BCL9: variants seen among roughly 807,000 people sequenced by gnomAD.
BCL9 encodes B-cell CLL/lymphoma 9 protein.
A neutral mutation model predicts 88.5 loss-of-function variants in BCL9; 25 were observed. The observed-to-expected ratio is 0.28, with a 90% CI of 0.21 to 0.39. The LOEUF (loss-of-function observed/expected upper bound fraction) is 0.39. BCL9 is among the 10% of genes least tolerant of loss of function. BCL9 has a pLI of 1.00. For missense variants in BCL9, 1,817 were observed against 1,877.8 expected, an observed-to-expected ratio of 0.97 and a Z score of 0.60; for synonymous variants, 711 against 673.3, an observed-to-expected ratio of 1.06 and a Z score of -0.87.
intron 6 of BCL9, 133 bp from the exon 7 acceptor site, chr1:147,615,670 T>C (rs1378536033): frequency 6.8e-6 from 4 of 584,566 alleles, no homozygotes; most frequent in Non-Finnish European, 1.2e-5. Context: ...TGATTTCTTC[T>C]TCAACATTTC....
At chr1:147,579,402 A>G (rs1656261688) in intron 1 of BCL9, among the ~76,000 whole-genome samples, 1 of 152,322 alleles carries the variant, frequency 6.6e-6, no homozygotes, top group East Asian at 1.9e-4. Flanking sequence ...ACTATATGGA[A>G]TATATACACT....
At chr1:147,592,485 G>A (rs1656886954) in intron 1 of BCL9, among the ~76,000 whole-genome samples, 1 of 152,104 alleles carries the variant, frequency 6.6e-6, no homozygotes, top group Non-Finnish European at 1.5e-5. Context: ...ATAGAGGTCT[G>A]GCCAGATAAC....
At chr1:147,587,036 C>CTATA (rs370686658) in intron 1 of BCL9, among the ~76,000 whole-genome samples, 2 of 150,594 alleles carry the variant, frequency 1.3e-5, no homozygotes, top group African/African-American at 2.4e-5. Flanking sequence ...CTCTCTCTCT[C>CTATA]TATATATGTA....
In BCL9 at chr1:147,613,009, G is replaced by A; in HGVS notation, c.180G>A (p.Gln60=). The A allele has an allele frequency of 6.2e-7, 1 of 1,604,220 alleles. No individual in the cohort carries two copies. The highest frequency in any genetic ancestry group is 8.5e-7 in the Non-Finnish European group (1 of 1,175,390). The change falls in exon 5 of 10, where the codon CAG becomes CAA. Residue 60 remains glutamine (Q), a synonymous_variant. Coordinates refer to ENST00000234739, the MANE Select transcript of BCL9 (RefSeq NM_004326.4). ...GKQGGSASQS[Q]PSPCDSKSGG... is the part of the protein sequence containing the mutation. ...AGGGGGGCTCAGCCAGCCAATCCCAGCCATCCCCCTGTGACTCCAAGAGTG... is the reference window on the plus strand; with the variant it reads ...AGGGGGGCTCAGCCAGCCAATCCCAACCATCCCCCTGTGACTCCAAGAGTG...
In BCL9 at chr1:147,624,419, G is replaced by C; in HGVS notation, c.3741G>C (p.Gln1247His). The C allele has an allele frequency of 3.7e-6, 6 of 1,614,228 alleles. No homozygotes were observed. Among genetic ancestry groups the C allele is most frequent in the Non-Finnish European group, 5.1e-6 (6 of 1,180,044 alleles). Residue 1247 changes from glutamine (Q) to histidine (H), a missense_variant, in exon 10 of 10, where the codon CAG becomes CAC. Gln to His is a conservative substitution (Grantham distance 24, BLOSUM62 0). This residue lies in a region of BCL9 where 589 missense variants were observed against 686.2 expected (regional missense o/e 0.86). Coordinates refer to ENST00000234739, the MANE Select transcript of BCL9 (RefSeq NM_004326.4). The surrounding 1 kb of genome is among the most constrained non-coding windows in gnomAD (Gnocchi z 4.4). ...SRIIPSEKPS[Q>H]TLQYFPRGEV... Reference sequence around the variant, plus strand: ...TTATTCCATCTGAGAAGCCCAGCCAGACGCTGCAATATTTCCCTCGAGGGG... The same window carrying C: ...TTATTCCATCTGAGAAGCCCAGCCACACGCTGCAATATTTCCCTCGAGGGG...
rs2101622519 is a variant in BCL9 at position 147,621,020 on chromosome 1, C to T, written c.2865C>T (p.Thr955=). The stretch of plus-strand genomic sequence containing the variant: ...CTCCAAACCATAAAGCACCCCTCAC[C>T]ATGGCCTCCCCAGCCATGCTGGGAA... ...GIPPNHKAPL[T]MASPAMLGNV... is the part of the protein sequence containing the mutation. The change falls in exon 8 of 10, where the codon ACC becomes ACT. Residue 955 remains threonine, a synonymous_variant. Transcript: ENST00000234739. The T allele has an allele frequency of 1.2e-6, 2 of 1,614,068 alleles. No individual in the cohort carries two copies. Among genetic ancestry groups the T allele is most frequent in the Non-Finnish European group, 1.7e-6 (2 of 1,179,986 alleles).
rs782518338 is a variant in BCL9 at position 147,624,392 on chromosome 1, C to T, written c.3714C>T (p.Arg1238=). ...GAATACCTGAGTTTGATCTATCCCG[C>T]ATTATTCCATCTGAGAAGCCCAGCC... ...ATGIPEFDLS[R]IIPSEKPSQT... Residue 1238 remains arginine (R), a synonymous_variant, in exon 10 of 10, where the codon CGC becomes CGT. Coordinates refer to ENST00000234739, the MANE Select transcript of BCL9 (RefSeq NM_004326.4). The surrounding 1 kb of genome is among the most constrained non-coding windows in gnomAD (Gnocchi z 4.4). 3 of 1,614,102 alleles carry T rather than the reference C, an allele frequency of 1.9e-6. No homozygotes were observed. The highest frequency in any genetic ancestry group is 4.5e-5 in the East Asian group (2 of 44,888).
chr1:147,548,245 T>G (rs587680409), intron 1 of BCL9, among the ~76,000 whole-genome samples: 2 of 152,288 alleles, frequency 1.3e-5, no homozygotes, highest in Non-Finnish European at 2.9e-5. Flanking sequence ...GAGTGAAGGT[T>G]AAGGTCATAC....
intron 1 of BCL9, among the ~76,000 whole-genome samples, chr1:147,587,218 T>G (rs1553199336): frequency 6.6e-6 from 1 of 151,930 alleles, no homozygotes; most frequent in South Asian, 2.1e-4. Flanking sequence ...TTCTCCAGAC[T>G]TTATACGCCC....
chr1:147,605,655 T>G (rs587727953), intron 2 of BCL9, among the ~76,000 whole-genome samples: 34 of 152,382 alleles, frequency 2.2e-4, no homozygotes, highest in African/African-American at 7.9e-4. Flanking sequence ...ACATGCCCAT[T>G]GCATAGTTTA....
At position 147,563,357 on chromosome 1, in the gene BCL9, C is replaced by A. The variant is rs145071580; in HGVS notation, c.-478+21683C>A. Among the ~76,000 whole-genome samples, 420 of 152,240 alleles carry A rather than the reference C, an allele frequency of 2.8e-3. 4 individuals carry two copies. Among genetic ancestry groups the A allele is most frequent in the African/African-American group, 9.7e-3 (403 of 41,518 alleles). On this transcript the variant is annotated intron_variant, in intron 1 of 9. Transcript: ENST00000234739. ...GATTAGAACAGAGCCTAACACATAG[C>A]CATAAATAGTCATTGAATGGATGAA...
chr1:147,624,872 A>G lies in BCL9; in HGVS notation c.4194A>G (p.Pro1398=). ...MGPQQNIMIP[P]QMRPRGMAAD... is the part of the protein sequence containing the mutation. ...CCCAACAGAACATCATGATCCCCCCACAGATGAGGCCCCGGGGCATGGCTG... is the reference window on the plus strand; with the variant it reads ...CCCAACAGAACATCATGATCCCCCCGCAGATGAGGCCCCGGGGCATGGCTG... The change falls in exon 10 of 10, where the codon CCA becomes CCG. Residue 1398 remains proline, a synonymous_variant. Transcript: ENST00000234739. The surrounding 1 kb of genome is among the most constrained non-coding windows in gnomAD (Gnocchi z 4.4). The G allele has an allele frequency of 6.2e-7, 1 of 1,614,132 alleles. No individual in the cohort carries two copies. The highest frequency in any genetic ancestry group is 8.5e-7 in the Non-Finnish European group (1 of 1,180,002).
At chr1:147,555,847 C>T (rs1170519294) in intron 1 of BCL9, among the ~76,000 whole-genome samples, 2 of 152,200 alleles carry the variant, frequency 1.3e-5, no homozygotes, top group Non-Finnish European at 2.9e-5. Context: ...ATTTTTAAAG[C>T]CTTTTCTAAA....
chr1:147,563,082 A>C (rs921739869), intron 1 of BCL9, among the ~76,000 whole-genome samples: 1 of 152,128 alleles, frequency 6.6e-6, no homozygotes, highest in Non-Finnish European at 1.5e-5. Context: ...CCAGATCTTC[A>C]CATGGTTGGC....
At chr1:147,623,280 C>G (rs12133943) in intron 9 of BCL9, among the ~76,000 whole-genome samples, 11,414 of 152,204 alleles carry the variant, frequency 0.075, 505 homozygotes, top group Non-Finnish European at 0.1. Context: ...ACACCAAATA[C>G]TTCAATGTCC....
chr1:147,618,973 C>T lies in BCL9; in HGVS notation c.818C>T (p.Pro273Leu), dbSNP rs1553204321. The T allele has an allele frequency of 1.2e-6, 2 of 1,613,624 alleles. No individual in the cohort carries two copies. The highest frequency in any genetic ancestry group is 1.7e-5 in the Admixed American group (1 of 59,976). Residue 273 changes from proline (P) to leucine (L), a missense_variant, in exon 8 of 10, where the codon CCC becomes CTC. Pro to Leu is a moderately conservative substitution (Grantham distance 98). Around this residue, in one of 2 missense-constraint regions of BCL9, gnomAD observed 1,228 missense variants for 1,191.6 expected, o/e 1.03. Transcript: ENST00000234739. ...CCCAAGCCTGCCGCACCCCCACGTC[C>T]CCTGGACCGGGAGAGTCCTGGGGTA... ...PAPKPAAPPRPLDRESPGVEN... is the reference protein window; with the variant it reads ...PAPKPAAPPRLLDRESPGVEN...
rs137972210 is a variant in BCL9 at position 147,592,385 on chromosome 1, G to A, written c.-477-12392G>A. On this transcript the variant is annotated intron_variant, in intron 1 of 9. Coordinates refer to ENST00000234739, the MANE Select transcript of BCL9 (RefSeq NM_004326.4). Reference sequence around the variant, plus strand: ...CTCTGAGTATCTTTCCTTCTATCTTGAATTTCTGGGGAGAGTTCTCCAAGC... The same window carrying A: ...CTCTGAGTATCTTTCCTTCTATCTTAAATTTCTGGGGAGAGTTCTCCAAGC... Among the ~76,000 whole-genome samples the A allele has an allele frequency of 5.1e-3, 784 of 152,248 alleles. 3 individuals carry two copies. The highest frequency in any genetic ancestry group is 0.048 in the Middle Eastern group (14 of 294).
chr1:147,619,584 CAGG>C lies in BCL9; in HGVS notation c.1432_1434del (p.Glu478del). The C allele has an allele frequency of 1.2e-6, 2 of 1,613,988 alleles. No homozygotes were observed. Among genetic ancestry groups the C allele is most frequent in the Non-Finnish European group, 1.7e-6 (2 of 1,180,026 alleles). On this transcript the variant is annotated inframe_deletion, in exon 8 of 10. Coordinates refer to ENST00000234739, the MANE Select transcript of BCL9 (RefSeq NM_004326.4). The surrounding 1 kb of genome is among the most constrained non-coding windows in gnomAD (Gnocchi z 4.1). ...GCAGATAGCGTGGCTGAAACTGCAG[CAGG>C]AGTTTTATGAAGAGAAGAGGAGGAA...
intron 1 of BCL9, among the ~76,000 whole-genome samples, chr1:147,559,919 A>T (rs1553195873): frequency 6.6e-6 from 1 of 152,212 alleles, no homozygotes; most frequent in East Asian, 1.9e-4. Flanking sequence ...ACCCAGAGAA[A>T]ACAGAGACTT....
Sources: gnomAD v4.1 joint callset for allele counts (sites outside exome capture counted in the v4.1 genomes callset) on GRCh38, gnomAD v4.1.1 for gene constraint, gnomAD v4.1.1 regional missense constraint, Gnocchi (gnomAD v3.1) non-coding constraint, MANE v1.5 for transcripts, NCBI Gene and HGNC (gene_info 2026-07-23, HGNC 2026-07-21) for gene names.